The following COL5A2 variants were observed in gnomAD, a reference collection of about 807,000 sequenced individuals.
COL5A2 encodes collagen alpha-2(V) chain.
A neutral mutation model predicts 208.2 loss-of-function variants in COL5A2; 23 were observed. The ratio of observed to expected loss-of-function variants is 0.11; its 90% CI spans 0.08 to 0.16. COL5A2 has a LOEUF of 0.16. COL5A2 is among the 10% of genes least tolerant of loss of function. COL5A2 has a pLI of 1.00. For synonymous variants in COL5A2, 625 were observed against 628.5 expected, an observed-to-expected ratio of 0.99 and a Z score of 0.08; for missense variants, 1,590 against 1,956.4, an observed-to-expected ratio of 0.81 and a Z score of 3.53.
At chr2:189,147,481 A>G (rs753807093) in intron 1 of COL5A2, among the ~76,000 whole-genome samples, 2 of 152,146 alleles carry the variant, frequency 1.3e-5, no homozygotes, top group Non-Finnish European at 2.9e-5. Context: ...TCTTAACACA[A>G]TACAACTCAC....
At chr2:189,323,807 A>T in the COL5A2 span, among the ~76,000 whole-genome samples, 1 of 152,334 alleles carries the variant, frequency 6.6e-6, no homozygotes, top group East Asian at 1.9e-4. Context: ...TCTTCACAGA[A>T]TTGGAAAAAA....
At chr2:189,207,446 T>TA (rs1251556091) in intron 1 of COL5A2, among the ~76,000 whole-genome samples, 16 of 152,210 alleles carry the variant, frequency 1.1e-4, no homozygotes, top group Non-Finnish European at 8.8e-5. Context: ...CAATTTCAAT[T>TA]AATTCCCTTT....
At chr2:189,410,785 T>C in the COL5A2 span, among the ~76,000 whole-genome samples, 2 of 152,142 alleles carry the variant, frequency 1.3e-5, no homozygotes, top group Non-Finnish European at 2.9e-5. Flanking sequence ...TTTTAGTGAA[T>C]TGATGTATTT....
chr2:189,045,198 G>C lies in COL5A2; in HGVS notation c.3344C>G (p.Ala1115Gly), dbSNP rs1327629334. 1 of 1,605,874 alleles carries C rather than the reference G, an allele frequency of 6.2e-7. No individual in the cohort carries two copies. The highest frequency in any genetic ancestry group is 1.7e-5 in the Admixed American group (1 of 59,050). The change falls in exon 47 of 54, where the codon GCT becomes GGT. Residue 1115 changes from alanine to glycine, a missense_variant. By Grantham distance (60) the Ala-to-Gly change is moderately conservative. Transcript: ENST00000374866. ...SRGPIGPPGR[A>G]GKRGLPGPQG... Reference sequence around the variant, plus strand: ...ACTTACAGGTAATCCACGTTTCCCAGCTCGACCAGGTGGTCCTATAGGACC... The same window carrying C: ...ACTTACAGGTAATCCACGTTTCCCACCTCGACCAGGTGGTCCTATAGGACC...
chr2:189,377,447 C>T, the COL5A2 span, among the ~76,000 whole-genome samples: 13 of 152,206 alleles, frequency 8.5e-5, no homozygotes, highest in South Asian at 2.5e-3. Context: ...ATACATGGTC[C>T]TCAAAGACAG....
the COL5A2 span, among the ~76,000 whole-genome samples, chr2:189,316,784 CAAAA>C: frequency 2.9e-5 from 4 of 136,866 alleles, no homozygotes; most frequent in African/African-American, 5.4e-5. Context: ...CACTTAAAAG[CAAAA>C]AAAAAAAAAA....
At chr2:189,353,745 T>C in the COL5A2 span, among the ~76,000 whole-genome samples, 2 of 152,226 alleles carry the variant, frequency 1.3e-5, no homozygotes, top group Admixed American at 6.5e-5. Context: ...CAGGGACAAT[T>C]GGACTTCCTC....
the COL5A2 span, among the ~76,000 whole-genome samples, chr2:189,314,183 C>T: frequency 3.3e-5 from 5 of 152,158 alleles, no homozygotes; most frequent in Non-Finnish European, 7.4e-5. Flanking sequence ...AAATCAATCA[C>T]ATAATCAGAA....
chr2:189,302,662 C>T, the COL5A2 span, among the ~76,000 whole-genome samples: 1 of 152,144 alleles, frequency 6.6e-6, no homozygotes, highest in Non-Finnish European at 1.5e-5. Flanking sequence ...CAGAAATGAA[C>T]AAATGCATTT....
At chr2:189,160,801 T>TTTTCC (rs1377292663) in intron 1 of COL5A2, among the ~76,000 whole-genome samples, 1 of 151,778 alleles carries the variant, frequency 6.6e-6, no homozygotes, top group East Asian at 1.9e-4. Context: ...CTTCATGTAC[T>TTTTCC]TTTTCTTTTC....
chr2:189,136,334 T>C (rs1159872092), intron 1 of COL5A2, among the ~76,000 whole-genome samples: 2 of 151,098 alleles, frequency 1.3e-5, no homozygotes, highest in Non-Finnish European at 3.0e-5. Context: ...TTTACATGTA[T>C]ATAAATACAT....
At chr2:189,219,996 T>C (rs1559149022) in intron 1 of COL5A2, among the ~76,000 whole-genome samples, 1 of 152,198 alleles carries the variant, frequency 6.6e-6, no homozygotes, top group Non-Finnish European at 1.5e-5. Context: ...CATAAAATTA[T>C]GTAGCAGTTC....
At chr2:189,315,559 T>C in the COL5A2 span, among the ~76,000 whole-genome samples, 3 of 152,190 alleles carry the variant, frequency 2.0e-5, no homozygotes, top group East Asian at 3.9e-4. Flanking sequence ...CTATTCCACA[T>C]AGTATTGGAA....
At chr2:189,139,085 C>A (rs951207811) in intron 1 of COL5A2, among the ~76,000 whole-genome samples, 10 of 152,046 alleles carry the variant, frequency 6.6e-5, no homozygotes, top group Non-Finnish European at 1.5e-4. Context: ...AGTGAAGACA[C>A]AGGACAAATA....
chr2:189,235,685 A>G, the COL5A2 span, among the ~76,000 whole-genome samples: 17 of 151,790 alleles, frequency 1.1e-4, no homozygotes, highest in African/African-American at 2.7e-4. Flanking sequence ...TGAACATACC[A>G]TAATTTATTT....
chr2:189,419,254 G>A, the COL5A2 span, among the ~76,000 whole-genome samples: 3 of 152,110 alleles, frequency 2.0e-5, no homozygotes, highest in South Asian at 2.1e-4. Flanking sequence ...GTCTACCAAT[G>A]TACAAGTTCT....
chr2:189,338,849 C>T, the COL5A2 span, among the ~76,000 whole-genome samples: 1 of 151,928 alleles, frequency 6.6e-6, no homozygotes, highest in Non-Finnish European at 1.5e-5. Flanking sequence ...TTAAGTGACT[C>T]ATTGCTGCTG....
At chr2:189,055,909 A>G (rs568466390) in intron 35 of COL5A2, among the ~76,000 whole-genome samples, 3 of 152,320 alleles carry the variant, frequency 2.0e-5, no homozygotes, top group African/African-American at 7.2e-5. Context: ...GCATTCCAGG[A>G]CATCCATGAT....
chr2:189,218,255 T>C (rs1689303433), intron 1 of COL5A2, among the ~76,000 whole-genome samples: 1 of 152,156 alleles, frequency 6.6e-6, no homozygotes, highest in Admixed American at 6.6e-5. Context: ...TATTTAGAAA[T>C]AAGGCCTTTG....
Sources: allele counts gnomAD v4.1 joint callset (sites outside exome capture counted in the v4.1 genomes callset), GRCh38; gene constraint gnomAD v4.1.1; transcripts MANE v1.5; gene names NCBI Gene and HGNC (gene_info 2026-07-23, HGNC 2026-07-21).